The following KIAA0825 variants were observed in gnomAD, a reference collection of about 807,000 sequenced individuals.
KIAA0825 encodes the protein uncharacterized protein KIAA0825.
A neutral mutation model predicts 147.6 loss-of-function variants in KIAA0825; 119 were observed. The observed-to-expected ratio is 0.81, with a 90% CI of 0.69 to 0.94. KIAA0825 has a LOEUF of 0.94. KIAA0825 is among the 40% of genes least tolerant of loss of function. The pLI is 0.00. For synonymous variants in KIAA0825, 470 were observed against 518.1 expected (o/e 0.91, Z 1.26); for missense variants, 1,381 against 1,472.7 (o/e 0.94, Z 1.02).
intron 7 of KIAA0825, among the ~76,000 whole-genome samples, chr5:94,474,734 A>G (rs752054674): frequency 3.3e-5 from 5 of 152,172 alleles, no homozygotes; most frequent in Admixed American, 6.5e-5. Flanking sequence ...ATTTTAACGG[A>G]ACTTTCTGAA....
At chr5:94,532,337 G>C (rs1366907147) in intron 3 of KIAA0825, among the ~76,000 whole-genome samples, 1 of 152,002 alleles carries the variant, frequency 6.6e-6, no homozygotes, top group Non-Finnish European at 1.5e-5. Context: ...TTTTTGTAGA[G>C]ACAGTGTTTC....
At chr5:94,235,050 G>A (rs1467297911) in intron 20 of KIAA0825, among the ~76,000 whole-genome samples, 2 of 151,730 alleles carry the variant, frequency 1.3e-5, no homozygotes, top group East Asian at 3.9e-4. Context: ...ATTGAAATAG[G>A]CCCATTAATA....
intron 20 of KIAA0825, among the ~76,000 whole-genome samples, chr5:94,357,008 C>A (rs887658259): frequency 6.6e-6 from 1 of 152,108 alleles, no homozygotes; most frequent in Non-Finnish European, 1.5e-5. Flanking sequence ...CAGGCGTGAG[C>A]CACTGCGCCC....
chr5:94,283,989 C>T (rs938525214), intron 20 of KIAA0825, among the ~76,000 whole-genome samples: 1 of 152,142 alleles, frequency 6.6e-6, no homozygotes, highest in Admixed American at 6.6e-5. Flanking sequence ...AAGAAGTGAT[C>T]ATTTGTCAAA....
chr5:94,334,583 A>G (rs1781609139), intron 20 of KIAA0825, among the ~76,000 whole-genome samples: 1 of 152,162 alleles, frequency 6.6e-6, no homozygotes, highest in South Asian at 2.1e-4. Context: ...CCCAGGTTCA[A>G]GTGATTCTCC....
At chr5:94,253,944 T>C (rs1359096547) in intron 20 of KIAA0825, among the ~76,000 whole-genome samples, 1 of 152,110 alleles carries the variant, frequency 6.6e-6, no homozygotes, top group Non-Finnish European at 1.5e-5. Flanking sequence ...TCCACAGGAC[T>C]CACAGACTAG....
chr5:94,543,869 C>G (rs557602137), intron 2 of KIAA0825, among the ~76,000 whole-genome samples: 2 of 152,290 alleles, frequency 1.3e-5, no homozygotes, highest in South Asian at 4.1e-4. Context: ...TTTACAAATG[C>G]CACAGCAACA....
chr5:94,166,759 C>T (rs1210249293), intron 20 of KIAA0825, among the ~76,000 whole-genome samples: 1 of 152,008 alleles, frequency 6.6e-6, no homozygotes, highest in Non-Finnish European at 1.5e-5. Context: ...CCACCTGCCT[C>T]AGCCTCCCAA....
At chr5:94,167,126 A>T (rs1189837218) in intron 20 of KIAA0825, among the ~76,000 whole-genome samples, 1 of 152,124 alleles carries the variant, frequency 6.6e-6, no homozygotes, top group Non-Finnish European at 1.5e-5. Flanking sequence ...TCCCTTGAAG[A>T]CAGGTAATCG....
At chr5:94,594,874 T>C in intron 1 of KIAA0825, 1 of 237,310 alleles carries the variant, frequency 4.2e-6, no homozygotes, top group South Asian at 4.9e-5. Flanking sequence ...AAATAAAAAA[T>C]AGTAGATAAA....
At chr5:94,462,656 G>T in intron 11 of KIAA0825, 87 bp from the exon 12 acceptor site, 1 of 649,424 alleles carries the variant, frequency 1.5e-6, no homozygotes, top group Non-Finnish European at 2.5e-6. Flanking sequence ...CTTGTACTAA[G>T]CATATGTAAG....
At chr5:94,312,197 T>G (rs1779246440) in intron 20 of KIAA0825, among the ~76,000 whole-genome samples, 1 of 151,646 alleles carries the variant, frequency 6.6e-6, no homozygotes, top group South Asian at 2.1e-4. Context: ...ATATAGTTTG[T>G]TTATCCAGTT....
chr5:94,262,839 G>A (rs1583982947), intron 20 of KIAA0825, among the ~76,000 whole-genome samples: 3 of 152,034 alleles, frequency 2.0e-5, no homozygotes, highest in Admixed American at 2.0e-4. Flanking sequence ...GTGGGGGTGG[G>A]GGGCTGTATG....
chr5:94,391,608 A>G lies in KIAA0825; in HGVS notation c.3383T>C (p.Val1128Ala). 7.1e-6 allele frequency: 11 copies of G among 1,551,640 alleles called. No individual in the cohort carries two copies. The highest frequency in any genetic ancestry group is 9.6e-6 in the Non-Finnish European group (11 of 1,146,934). The stretch of plus-strand genomic sequence containing the variant: ...ACCTGGTTTGTGGCAGAGATCCAGG[A>G]CCATCGTGTTTATTTTCTGCTCAGT... ...ELTEQKINTM[V>A]LDLCHKPGGR... is the part of the protein sequence containing the mutation. Residue 1128 changes from valine (V) to alanine (A), a missense_variant, in exon 18 of 21, where the codon GTC becomes GCC. By Grantham distance (64) the Val-to-Ala change is moderately conservative (BLOSUM62 0). Transcript: ENST00000682413.
At chr5:94,411,423 G>A (rs1431700187) in intron 15 of KIAA0825, among the ~76,000 whole-genome samples, 2 of 151,956 alleles carry the variant, frequency 1.3e-5, no homozygotes, top group African/African-American at 2.4e-5. Flanking sequence ...CAAAAGCATT[G>A]GAGTAATTCA....
chr5:94,208,066 T>C (rs950464372), intron 20 of KIAA0825, among the ~76,000 whole-genome samples: 7 of 152,128 alleles, frequency 4.6e-5, no homozygotes, highest in African/African-American at 1.7e-4. Flanking sequence ...TGCTGTAAGG[T>C]CATTTATTTT....
chr5:94,466,144 CT>C (rs1200061804), intron 10 of KIAA0825, among the ~76,000 whole-genome samples: 2 of 151,912 alleles, frequency 1.3e-5, no homozygotes, highest in African/African-American at 4.8e-5. Flanking sequence ...AAAAAATCTG[CT>C]GTTCTCTTAT....
chr5:94,383,341 C>A (rs1336418263), intron 20 of KIAA0825, among the ~76,000 whole-genome samples: 1 of 152,154 alleles, frequency 6.6e-6, no homozygotes, highest in Non-Finnish European at 1.5e-5. Flanking sequence ...TCTATAACTT[C>A]CTTCTGAGAA....
At chr5:94,425,259 A>C (rs1230946541) in intron 14 of KIAA0825, among the ~76,000 whole-genome samples, 1 of 152,138 alleles carries the variant, frequency 6.6e-6, no homozygotes, top group Non-Finnish European at 1.5e-5. Context: ...ACCAAATCCA[A>C]CAGCACATCA....
Sources: gnomAD v4.1 joint callset for allele counts (sites outside exome capture counted in the v4.1 genomes callset) on GRCh38, gnomAD v4.1.1 for gene constraint, MANE v1.5 for transcripts, NCBI Gene and HGNC (gene_info 2026-07-23, HGNC 2026-07-21) for gene names.